The following CNTNAP5 variants were observed in gnomAD, a reference collection of about 807,000 sequenced individuals.
The protein encoded by CNTNAP5 is contactin associated protein family member 5, also known as contactin-associated protein-like 5.
A neutral mutation model predicts 150.2 loss-of-function variants in CNTNAP5; 72 were observed. The ratio of observed to expected loss-of-function variants is 0.48; its 90% CI spans 0.40 to 0.58. The LOEUF (loss-of-function observed/expected upper bound fraction) is 0.58. Among genes scored for constraint, CNTNAP5 ranks in the 20% least tolerant of loss-of-function variants. The pLI is 0.00. For missense variants in CNTNAP5, 1,636 were observed against 1,626.2 expected (o/e 1.01, Z -0.10); for synonymous variants, 672 against 619.8 (o/e 1.08, Z -1.25).
intron 13 of CNTNAP5, among the ~76,000 whole-genome samples, chr2:124,690,681 A>G (rs1253950680): frequency 6.6e-6 from 1 of 151,746 alleles, no homozygotes; most frequent in African/African-American, 2.4e-5. Context: ...GCCTCTTCAC[A>G]TTTTCACACT....
At chr2:124,578,520 T>A (rs1296173818) in intron 11 of CNTNAP5, among the ~76,000 whole-genome samples, 2 of 151,862 alleles carry the variant, frequency 1.3e-5, no homozygotes, top group African/African-American at 2.4e-5. Flanking sequence ...GGAGACAGCA[T>A]CCCTACTTCA....
chr2:124,507,731 TG>T (rs1694447823), intron 8 of CNTNAP5, among the ~76,000 whole-genome samples: 8 of 152,306 alleles, frequency 5.3e-5, no homozygotes, highest in Admixed American at 5.2e-4. Flanking sequence ...TCTCTACAGA[TG>T]CAAGTCCCCC....
chr2:124,208,192 T>C (rs564146146), intron 1 of CNTNAP5, among the ~76,000 whole-genome samples: 1 of 152,298 alleles, frequency 6.6e-6, no homozygotes, highest in East Asian at 1.9e-4. Flanking sequence ...CACGTGGGTT[T>C]GTTATCTGGA....
At chr2:124,413,901 A>G (rs541046868) in intron 3 of CNTNAP5, among the ~76,000 whole-genome samples, 3 of 124,478 alleles carry the variant, frequency 2.4e-5, no homozygotes, top group East Asian at 5.6e-4. Flanking sequence ...AAATAAATAA[A>G]TTAAAAAAAA....
At chr2:124,486,283 G>A (rs148524528) in intron 7 of CNTNAP5, among the ~76,000 whole-genome samples, 212 of 152,172 alleles carry the variant, frequency 1.4e-3, no homozygotes, top group African/African-American at 4.9e-3. Context: ...ATAATAAAAC[G>A]GACTTTGGGG....
At chr2:124,662,014 C>G (rs1247104626) in intron 13 of CNTNAP5, among the ~76,000 whole-genome samples, 1 of 152,052 alleles carries the variant, frequency 6.6e-6, no homozygotes, top group Non-Finnish European at 1.5e-5. Context: ...CTCCCACCCC[C>G]CGATAGGCCT....
Position 124,449,643 on chromosome 2 carries a change from G to A in CNTNAP5, c.918+2706G>A, listed in dbSNP as rs781729234. On this transcript the variant is annotated intron_variant, in intron 6 of 23. Coordinates refer to ENST00000682447, the MANE Select transcript of CNTNAP5 (RefSeq NM_001367498.1). ...GAACTGATTTCTTCAGGGCGTGCAC[G>A]GATGTCTTGGTGCTTTATAAAATGT... Among the ~76,000 whole-genome samples, 203 of 152,250 alleles carry A rather than the reference G, an allele frequency of 1.3e-3. No homozygotes were observed. In the Middle Eastern group the frequency reaches 0.014, roughly 10 times the overall value.
At chr2:124,056,440 C>T (rs936336264) in intron 1 of CNTNAP5, among the ~76,000 whole-genome samples, 5 of 151,218 alleles carry the variant, frequency 3.3e-5, no homozygotes, top group African/African-American at 1.2e-4. Flanking sequence ...CTGCCTAACA[C>T]GGTGAAACCC....
At chr2:124,419,473 TAAC>T (rs1368167847) in intron 4 of CNTNAP5, among the ~76,000 whole-genome samples, 1 of 152,156 alleles carries the variant, frequency 6.6e-6, no homozygotes, top group Non-Finnish European at 1.5e-5. Flanking sequence ...AGAAAAATAA[TAAC>T]GATAACATGT....
Position 124,427,818 on chromosome 2 carries a change from G to A in CNTNAP5, c.530-6666G>A, listed in dbSNP as rs148411347. Among the ~76,000 whole-genome samples, 485 of 151,900 alleles carry A rather than the reference G, an allele frequency of 3.2e-3. 2 individuals are homozygous for A. The highest frequency in any genetic ancestry group is 0.011 in the African/African-American group (464 of 41,418). On this transcript the variant is annotated intron_variant, in intron 4 of 23. Coordinates refer to ENST00000682447, the MANE Select transcript of CNTNAP5 (RefSeq NM_001367498.1). Reference sequence around the variant, plus strand: ...TCATGAGACTTCCTACTCTAGTTCCGACCTGTTGAATCCCCACTGCCCTTG... The same window carrying A: ...TCATGAGACTTCCTACTCTAGTTCCAACCTGTTGAATCCCCACTGCCCTTG...
intron 1 of CNTNAP5, among the ~76,000 whole-genome samples, chr2:124,065,630 A>G (rs72978420): frequency 2.0e-5 from 3 of 152,266 alleles, no homozygotes; most frequent in African/African-American, 7.2e-5. Flanking sequence ...CAGCAGCTAT[A>G]ATGTCCCCAA....
At chr2:124,468,938 G>T (rs1693442685) in intron 6 of CNTNAP5, among the ~76,000 whole-genome samples, 1 of 152,184 alleles carries the variant, frequency 6.6e-6, no homozygotes, top group African/African-American at 2.4e-5. Context: ...TTTGCTCTGG[G>T]ATCATGCTGA....
rs541077820 is a variant in CNTNAP5, at chr2:124,085,410, T to C, written c.82+59678T>C. 3.3e-5 allele frequency among the ~76,000 whole-genome samples: 5 copies of C among 151,178 alleles called. No individual in the cohort carries two copies. In the East Asian group the frequency reaches 7.7e-4, roughly 23 times the overall value. On this transcript the variant is annotated intron_variant, in intron 1 of 23. Transcript: ENST00000682447. ...GACATACACTGCTTCATTCCTGATA[T>C]TGGTTTTTCTCTCTTTCCTTTGTCA... is the stretch of plus-strand genomic sequence containing the variant.
intron 19 of CNTNAP5, among the ~76,000 whole-genome samples, chr2:124,831,051 T>C (rs1340892064): frequency 1.3e-5 from 2 of 152,056 alleles, no homozygotes; most frequent in Non-Finnish European, 2.9e-5. Context: ...CTAACATAAC[T>C]GACAAAATTT....
intron 14 of CNTNAP5, among the ~76,000 whole-genome samples, chr2:124,750,249 A>T (rs1377309682): frequency 1.3e-5 from 2 of 152,202 alleles, no homozygotes; most frequent in Non-Finnish European, 2.9e-5. Flanking sequence ...TCAAAGGTCA[A>T]GAGAAAAGGA....
At chr2:124,163,568 C>T (rs1157754000) in intron 1 of CNTNAP5, among the ~76,000 whole-genome samples, 1 of 152,044 alleles carries the variant, frequency 6.6e-6, no homozygotes, top group Non-Finnish European at 1.5e-5. Flanking sequence ...ACAAAAAATG[C>T]TAACTACCTT....
chr2:124,239,044 T>C (rs1416730232), intron 2 of CNTNAP5, among the ~76,000 whole-genome samples: 1 of 152,210 alleles, frequency 6.6e-6, no homozygotes, highest in Non-Finnish European at 1.5e-5. Flanking sequence ...TTTAACATGA[T>C]GTGTTGATGA....
intron 6 of CNTNAP5, among the ~76,000 whole-genome samples, chr2:124,468,336 G>T (rs983712776): frequency 6.6e-6 from 1 of 152,096 alleles, no homozygotes; most frequent in Non-Finnish European, 1.5e-5. Context: ...TTCAGCCTGT[G>T]GCAGAAGGCC....
At chr2:124,420,410 A>G (rs2104780768) in intron 4 of CNTNAP5, among the ~76,000 whole-genome samples, 1 of 152,184 alleles carries the variant, frequency 6.6e-6, no homozygotes, top group East Asian at 1.9e-4. Context: ...TGTTCACAGA[A>G]TGGCTTCTCT....
Sources: allele counts gnomAD v4.1 joint callset (sites outside exome capture counted in the v4.1 genomes callset), GRCh38; gene constraint gnomAD v4.1.1; transcripts MANE v1.5; gene names NCBI Gene and HGNC (gene_info 2026-07-23, HGNC 2026-07-21).